EFHC2: variants seen among roughly 807,000 people sequenced by gnomAD.
The protein encoded by EFHC2 is EF-hand domain-containing family member C2.
Under a neutral mutation model 52.7 loss-of-function variants are expected in EFHC2, and 18 were observed. That is an observed-to-expected ratio of 0.34 (90% CI 0.24 to 0.51). EFHC2 has a LOEUF of 0.51. EFHC2 is among the 20% of genes least tolerant of loss of function. The pLI is 0.97. For missense variants in EFHC2, 513 were observed against 562.5 expected, an observed-to-expected ratio of 0.91 and a Z score of 0.89; for synonymous variants, 203 against 204.1, an observed-to-expected ratio of 0.99 and a Z score of 0.04.
At chrX:44,207,835 G>A (rs2037060576) in intron 11 of EFHC2, among the ~76,000 whole-genome samples, 1 of 112,278 alleles carries the variant, frequency 8.9e-6, no homozygotes, top group African/African-American at 3.2e-5. Flanking sequence ...AGTGGGCAAA[G>A]AACATGAACA....
At chrX:44,336,395 A>AG (rs1276480202) in intron 1 of EFHC2, among the ~76,000 whole-genome samples, 3 of 110,083 alleles carry the variant, frequency 2.7e-5, no homozygotes, top group Non-Finnish European at 3.8e-5. Flanking sequence ...AAAAAAAAAA[A>AG]AGAGAGAGAG....
At chrX:44,235,067 G>A (rs1285621619) in intron 9 of EFHC2, among the ~76,000 whole-genome samples, 3 of 110,974 alleles carry the variant, frequency 2.7e-5, no homozygotes, top group African/African-American at 9.8e-5. Flanking sequence ...CAAGAAGGAG[G>A]TAACCCCAGG....
intron 11 of EFHC2, among the ~76,000 whole-genome samples, chrX:44,183,745 G>A (rs548355675): frequency 3.6e-5 from 4 of 111,675 alleles, no homozygotes; most frequent in Admixed American, 2.8e-4. Flanking sequence ...GGTTTCTTCC[G>A]GAGTTATGCA....
intron 14 of EFHC2, among the ~76,000 whole-genome samples, chrX:44,154,659 G>A (rs777572715): frequency 6.3e-5 from 7 of 110,238 alleles, no homozygotes; most frequent in African/African-American, 2.3e-4. Context: ...AGCCATGATC[G>A]CACCACTACA....
intron 10 of EFHC2, among the ~76,000 whole-genome samples, chrX:44,230,629 T>C (rs1421520085): frequency 9.0e-6 from 1 of 111,516 alleles, no homozygotes; most frequent in Non-Finnish European, 1.9e-5. Flanking sequence ...AATGTCTTTG[T>C]TAAGGGCAGT....
intron 14 of EFHC2, among the ~76,000 whole-genome samples, chrX:44,162,771 C>A (rs1325696304): frequency 9.1e-6 from 1 of 110,492 alleles, no homozygotes; most frequent in Non-Finnish European, 1.9e-5. Context: ...CCTGTTCCCC[C>A]CCAGTCTGTT....
intron 11 of EFHC2, among the ~76,000 whole-genome samples, chrX:44,180,716 T>C (rs2036827362): frequency 9.5e-6 from 1 of 105,673 alleles, no homozygotes; most frequent in African/African-American, 3.5e-5. Flanking sequence ...CCAGCCTGGG[T>C]GACAGAGTGA....
intron 11 of EFHC2, among the ~76,000 whole-genome samples, chrX:44,185,113 A>G (rs190661876): frequency 1.0e-3 from 114 of 112,612 alleles, no homozygotes; most frequent in African/African-American, 3.6e-3. Flanking sequence ...CCATCTCACA[A>G]TGGAGATAAT....
In EFHC2 at chrX:44,148,256, T is replaced by TGTGTGTGTGTG. The variant is rs397895239; in HGVS notation, c.*538_*539insCACACACACAC. ...GTGTGTGTGTGTGTGTGTGTGTGTG[T>TGTGTGTGTGTG]TGGAGGTTCTTTTTCTTCCCATAGC... On this transcript the variant is annotated 3_prime_UTR_variant, in exon 15 of 15. Transcript: ENST00000420999. The TGTGTGTGTGTG allele has an allele frequency of 4.5e-5, 5 of 111,021 alleles. No homozygotes were observed. Among genetic ancestry groups the TGTGTGTGTGTG allele is most frequent in the African/African-American group, 1.0e-4 (3 of 30,055 alleles). 9.1% of individuals were successfully genotyped at this position (111,021 alleles called of 1,213,427 possible).
chrX:44,275,490 G>A, intron 2 of EFHC2, among the ~76,000 whole-genome samples: 1 of 110,810 alleles, frequency 9.0e-6, no homozygotes, highest in Middle Eastern at 4.7e-3. Context: ...TAATTGCAAT[G>A]GAACTTGATG....
rs2037285698 is a variant in EFHC2 at position 44,232,517 on chromosome X, C to T, written c.1584G>A (p.Glu528=). The change falls in exon 10 of 15, where the codon GAG becomes GAA. Residue 528 remains glutamate, a synonymous_variant. Transcript: ENST00000420999. ...GYLFRLLNAD[E]YTLNYMEQNT... ...TCTGCTCCATGTAGTTTAAGGTATACTCATCAGCATTGAGCAAACGAAATA... is the reference window on the plus strand; with the variant it reads ...TCTGCTCCATGTAGTTTAAGGTATATTCATCAGCATTGAGCAAACGAAATA... 2.6e-6 allele frequency: 3 copies of T among 1,160,188 alleles called. No individual in the cohort carries two copies. Among genetic ancestry groups the T allele is most frequent in the African/African-American group, 1.8e-5 (1 of 55,897 alleles).
At chrX:44,343,252 GCA>G (rs754687048) in intron 1 of EFHC2, among the ~76,000 whole-genome samples, 1 of 111,506 alleles carries the variant, frequency 9.0e-6, no homozygotes, top group Non-Finnish European at 1.9e-5. Context: ...GGTGATTAAA[GCA>G]CAGCGCCTGG....
At chrX:44,238,673 A>G (rs1200101113) in intron 8 of EFHC2, among the ~76,000 whole-genome samples, 1 of 111,069 alleles carries the variant, frequency 9.0e-6, no homozygotes, top group Non-Finnish European at 1.9e-5. Flanking sequence ...CTTTACACCG[A>G]CTGTTCCTTT....
intron 4 of EFHC2, 32 bp from the exon 5 acceptor site, chrX:44,250,477 C>T (rs747404479): frequency 8.6e-7 from 1 of 1,165,878 alleles, no homozygotes; most frequent in Non-Finnish European, 1.1e-6. Context: ...ATAATAGTTG[C>T]AGGGTTTGCA....
At chrX:44,199,239 C>A in intron 11 of EFHC2, among the ~76,000 whole-genome samples, 1 of 112,807 alleles carries the variant, frequency 8.9e-6, no homozygotes, top group South Asian at 3.6e-4. Context: ...TTGACACCTC[C>A]TTACTCTCTC....
At chrX:44,307,532 T>C (rs1353615251) in intron 2 of EFHC2, among the ~76,000 whole-genome samples, 1 of 112,129 alleles carries the variant, frequency 8.9e-6, no homozygotes, top group Non-Finnish European at 1.9e-5. Context: ...AATGTTCAAA[T>C]AGCGAATACA....
intron 2 of EFHC2, among the ~76,000 whole-genome samples, chrX:44,288,310 T>G (rs1269764097): frequency 9.0e-6 from 1 of 111,068 alleles, no homozygotes; most frequent in African/African-American, 3.3e-5. Context: ...AAAAATCTAT[T>G]GAAAATATTT....
At position 44,148,532 on chromosome X, in the gene EFHC2, A is replaced by AT. The variant is rs2036542081; in HGVS notation, c.*262dup. The AT allele has an allele frequency of 7.9e-6, 2 of 253,438 alleles. No homozygotes were observed. Among genetic ancestry groups the AT allele is most frequent in the Non-Finnish European group, 1.4e-5 (2 of 146,100 alleles). The allele number at this position is 253,438 out of a possible 1,213,427, so 20.9% of individuals were successfully genotyped here. A position where few individuals can be genotyped will look rare whatever the true frequency, so the allele number is the denominator to read the frequency against. ...ATGTTGGATCAAAAATTATCAGAAG[A>AT]TTTTTTGGTATTAATAAACCATACA... On this transcript the variant is annotated 3_prime_UTR_variant, in exon 15 of 15. Transcript: ENST00000420999.
chrX:44,201,618 A>G (rs2147295827), intron 11 of EFHC2, among the ~76,000 whole-genome samples: 1 of 111,728 alleles, frequency 9.0e-6, no homozygotes, highest in African/African-American at 3.2e-5. Context: ...TCAAGAAGAA[A>G]TAGAAATCTG....
Sources: allele counts gnomAD v4.1 joint callset (sites outside exome capture counted in the v4.1 genomes callset), GRCh38; gene constraint gnomAD v4.1.1; transcripts MANE v1.5; gene names NCBI Gene and HGNC (gene_info 2026-07-23, HGNC 2026-07-21).